The following GLI1 variants were observed in gnomAD, a reference collection of about 807,000 sequenced individuals.
The protein encoded by GLI1 is transcription activator GLI1.
Under a neutral mutation model 87.8 loss-of-function variants are expected in GLI1, and 51 were observed. That is an observed-to-expected ratio of 0.58 (90% CI 0.46 to 0.73). The LOEUF (loss-of-function observed/expected upper bound fraction) is 0.73. GLI1 is among the 30% of genes least tolerant of loss of function. The probability of loss-of-function intolerance (pLI) is 0.00; values close to 1 mark genes in which losing one functional copy is unlikely to be tolerated. For synonymous variants in GLI1, 528 were observed against 558.2 expected (o/e 0.95, Z 0.76); for missense variants, 1,292 against 1,437.2 (o/e 0.90, Z 1.63).
chr12:57,466,899 G>A (rs989118338), intron 8 of GLI1, among the ~76,000 whole-genome samples: 14 of 151,898 alleles, frequency 9.2e-5, no homozygotes, highest in East Asian at 5.8e-4. Context: ...GCAAAACTCC[G>A]CCTCAAAAAA....
chr12:57,465,177 G>A lies in GLI1; in HGVS notation c.456G>A (p.Gln152=). The change falls in exon 5 of 12, where the codon CAG becomes CAA. Residue 152 remains glutamine (Q), a synonymous_variant. Transcript: ENST00000228682. The stretch of plus-strand genomic sequence containing the variant: ...GGCCCTCGCCTTCCTTTGGGGTCCA[G>A]CCTTGTGGTCCCCATGACTCTGCCC... The part of the protein sequence containing the change: ...QKGPSPSFGV[Q]PCGPHDSARG... The A allele has an allele frequency of 2.5e-6, 4 of 1,613,560 alleles. No homozygotes were observed. Among genetic ancestry groups the A allele is most frequent in the Non-Finnish European group, 2.5e-6 (3 of 1,179,466 alleles).
In GLI1 at chr12:57,466,231, C is replaced by A. The variant is rs889675040; in HGVS notation, c.763-9C>A. ...GAGCCTTGGAGAGCCTTTGTATCTT[C>A]TCCCTCAGCACATCAACAGCGAGCA... is the stretch of plus-strand genomic sequence containing the variant. On this transcript the variant is annotated splice_polypyrimidine_tract_variant and intron_variant, in intron 7 of 11. Transcript: ENST00000228682. 4 of 1,609,940 alleles carry A rather than the reference C, an allele frequency of 2.5e-6. No homozygotes were observed. The highest frequency in any genetic ancestry group is 3.3e-5 in the Admixed American group (2 of 59,726).
intron 10 of GLI1, among the ~76,000 whole-genome samples, chr12:57,468,558 T>G (rs1356062156): frequency 6.6e-6 from 1 of 151,974 alleles, no homozygotes; most frequent in Non-Finnish European, 1.5e-5. Flanking sequence ...AGTGGCATAA[T>G]CATAGCTCAC....
Position 57,469,412 on chromosome 12 carries a change from G to T in GLI1, c.1309-19G>T. The T allele has an allele frequency of 6.2e-7, 1 of 1,611,636 alleles. No homozygotes were observed. The highest frequency in any genetic ancestry group is 1.1e-5 in the South Asian group (1 of 91,036). On this transcript the variant is annotated intron_variant, in intron 10 of 11. Transcript: ENST00000228682. Reference sequence around the variant, plus strand: ...GCTGTGGGGAAGGGTGTTGCCCTCAGACCTCATCTTCTCCACAGAAGCCAC... The same window carrying T: ...GCTGTGGGGAAGGGTGTTGCCCTCATACCTCATCTTCTCCACAGAAGCCAC...
At chr12:57,464,956 T>A (rs1871378484) in intron 4 of GLI1, 88 bp downstream of exon 4, 2 of 1,257,894 alleles carry the variant, frequency 1.6e-6, no homozygotes, top group East Asian at 4.6e-5. Flanking sequence ...TAACCCTATT[T>A]GAATCCTTGT....
rs1594753355 is a variant in GLI1 at position 57,472,259 on chromosome 12, T to A, written c.*198T>A. The A allele has an allele frequency of 1.0e-5, 6 of 596,898 alleles. No individual in the cohort carries two copies. In the East Asian group the frequency reaches 1.7e-4, roughly 17 times the overall value. 37.0% of individuals were successfully genotyped at this position (596,898 alleles called of 1,614,324 possible). A position where few individuals can be genotyped will look rare whatever the true frequency, so the allele number is the denominator to read the frequency against. Reference sequence around the variant, plus strand: ...GTTTCCTGATAATAAAGGAACTGCATCAGAAAAAATACCATGCCACTTTAT... The same window carrying A: ...GTTTCCTGATAATAAAGGAACTGCAACAGAAAAAATACCATGCCACTTTAT... On this transcript the variant is annotated 3_prime_UTR_variant, in exon 12 of 12. Coordinates refer to ENST00000228682, the MANE Select transcript of GLI1 (RefSeq NM_005269.3).
chr12:57,469,486 C>T lies in GLI1; in HGVS notation c.1364C>T (p.Ala455Val), dbSNP rs1437303769. ...QSSCSSDHSP[A>V]GSAANTDSGV... ...TCCTGCAGCAGTGACCACTCCCCGG[C>T]AGGGAGTGCAGCCAATACAGACAGT... is the stretch of plus-strand genomic sequence containing the variant. Residue 455 changes from alanine (A) to valine (V), a missense_variant, in exon 11 of 12, where the codon GCA (alanine) becomes GTA (valine). By Grantham distance (64) the Ala-to-Val change is moderately conservative (BLOSUM62 0). This residue lies in a region of GLI1 where 897 missense variants were observed against 1,040.7 expected (regional missense o/e 0.86). Coordinates refer to ENST00000228682, the MANE Select transcript of GLI1 (RefSeq NM_005269.3). The T allele has an allele frequency of 1.9e-6, 3 of 1,613,954 alleles. No individual in the cohort carries two copies. The highest frequency in any genetic ancestry group is 1.3e-5 in the African/African-American group (1 of 74,934).
chr12:57,468,443 CTTCCTTCT>C (rs1002915761), intron 10 of GLI1, among the ~76,000 whole-genome samples: 17 of 151,424 alleles, frequency 1.1e-4, no homozygotes, highest in Non-Finnish European at 1.8e-4. Flanking sequence ...TCTCTCCTTC[CTTCCTTCT>C]TTCCTTCTTT....
rs538381147 is a variant in GLI1, at chr12:57,471,723, T to C, written c.2983T>C (p.Leu995=). The change falls in exon 12 of 12, where the codon TTG becomes CTG. Residue 995 remains leucine, a synonymous_variant. Coordinates refer to ENST00000228682, the MANE Select transcript of GLI1 (RefSeq NM_005269.3). The surrounding 1 kb of genome is among the most constrained non-coding windows in gnomAD (Gnocchi z 4.9). ...AAAPPRLLPP[L]PTCYGPLKVG... ...AGCACCACCTCGACTTCTGCCCCCATTGCCCACTTGCTATGGGCCTCTCAA... is the reference window on the plus strand; with the variant it reads ...AGCACCACCTCGACTTCTGCCCCCACTGCCCACTTGCTATGGGCCTCTCAA... 7 of 1,578,836 alleles carry C rather than the reference T, an allele frequency of 4.4e-6. No individual in the cohort carries two copies. The African/African-American group carries it at 9.4e-5, about 21-fold the overall frequency.
rs374770255 is a variant in GLI1 at position 57,470,714 on chromosome 12, G to T, written c.1974G>T (p.Lys658Asn). The change falls in exon 12 of 12, where the codon AAG becomes AAT. Residue 658 changes from lysine (K) to asparagine (N), a missense_variant. This residue lies in a region of GLI1 where 897 missense variants were observed against 1,040.7 expected (regional missense o/e 0.86). Coordinates refer to ENST00000228682, the MANE Select transcript of GLI1 (RefSeq NM_005269.3). ...CTCCAGCTAGAGTCCAGAGGTTCAAGAGCCTGGGCTGTGTCCATACCCCAC... is the reference window on the plus strand; with the variant it reads ...CTCCAGCTAGAGTCCAGAGGTTCAATAGCCTGGGCTGTGTCCATACCCCAC... ...RPAPARVQRF[K>N]SLGCVHTPPT... is the part of the protein sequence containing the mutation. 6.2e-7 allele frequency: 1 copy of T among 1,612,606 alleles called. No individual in the cohort carries two copies. The highest frequency in any genetic ancestry group is 1.7e-5 in the Admixed American group (1 of 59,926).
chr12:57,463,608 C>T (rs2139849598), intron 1 of GLI1, 57 bp from the exon 2 acceptor site: 1 of 839,082 alleles, frequency 1.2e-6, no homozygotes, highest in Non-Finnish European at 2.1e-6. Context: ...GTGCCTGAGA[C>T]TGCTGTCTGA....
chr12:57,468,030 C>G lies in GLI1; in HGVS notation c.1114C>G (p.Arg372Gly), dbSNP rs142822754. Residue 372 changes from arginine (R) to glycine (G), a missense_variant, in exon 10 of 12, where the codon CGC becomes GGC. By Grantham distance (125) the Arg-to-Gly change is moderately radical. This residue lies in a region of GLI1 where 897 missense variants were observed against 1,040.7 expected (regional missense o/e 0.86). Transcript: ENST00000228682. ...YVCKLPGCTK[R>G]YTDPSSLRKH... ...ATGTAAGCTCCCTGGCTGCACCAAA[C>G]GCTATACAGATCCTAGCTCGCTGCG... 1 of 1,614,182 alleles carries G rather than the reference C, an allele frequency of 6.2e-7. No individual in the cohort carries two copies. Among genetic ancestry groups the G allele is most frequent in the Non-Finnish European group, 8.5e-7 (1 of 1,180,000 alleles).
chr12:57,468,265 C>T lies in GLI1; in HGVS notation c.1308+41C>T, dbSNP rs371396013. 14 of 1,338,338 alleles carry T rather than the reference C, an allele frequency of 1.0e-5. No homozygotes were observed. The African/African-American group carries it at 1.9e-4, about 18-fold the overall frequency. 82.9% of individuals were successfully genotyped at this position (1,338,338 alleles called of 1,614,324 possible). A position where few individuals can be genotyped will look rare whatever the true frequency, so the allele number is the denominator to read the frequency against. ...CAACCCTCACCTCCATACCCCAGCC[C>T]ACCCTGTGGACATCTTTCTAGTTAC... On this transcript the variant is annotated intron_variant, in intron 10 of 11. Coordinates refer to ENST00000228682, the MANE Select transcript of GLI1 (RefSeq NM_005269.3).
rs1566559160 is a variant in GLI1, at chr12:57,465,195, C to T, written c.474C>T (p.Asp158=). The part of the protein sequence containing the change: ...SFGVQPCGPH[D]SARGGMIPHP... ...GGGTCCAGCCTTGTGGTCCCCATGA[C>T]TCTGCCCGGGGTGGGATGATCCCAC... The change falls in exon 5 of 12, where the codon GAC becomes GAT. Residue 158 remains aspartate, a synonymous_variant. Transcript: ENST00000228682. 4 of 1,613,836 alleles carry T rather than the reference C, an allele frequency of 2.5e-6. No homozygotes were observed. In the African/African-American group the frequency reaches 5.3e-5, roughly 22 times the overall value.
intron 8 of GLI1, among the ~76,000 whole-genome samples, chr12:57,466,930 C>T (rs1381797454): frequency 6.6e-6 from 1 of 152,034 alleles, no homozygotes; most frequent in Non-Finnish European, 1.5e-5. Context: ...TTAAAAAAGA[C>T]ATTAAAACAT....
At chr12:57,468,546 G>A (rs1871653611) in intron 10 of GLI1, among the ~76,000 whole-genome samples, 1 of 151,786 alleles carries the variant, frequency 6.6e-6, no homozygotes, top group African/African-American at 2.4e-5. Context: ...AGGCTGGAGT[G>A]TAGTGGCATA....
At chr12:57,462,437 C>G (rs558349600) in intron 1 of GLI1, among the ~76,000 whole-genome samples, 12 of 152,222 alleles carry the variant, frequency 7.9e-5, no homozygotes, top group South Asian at 2.1e-4. Flanking sequence ...GGCCCGCTCC[C>G]GGTGGTTCTC....
Position 57,471,077 on chromosome 12 carries a change from A to G in GLI1, c.2337A>G (p.Thr779=). 2.5e-6 allele frequency: 4 copies of G among 1,612,906 alleles called. No individual in the cohort carries two copies. Among genetic ancestry groups the G allele is most frequent in the East Asian group, 2.2e-5 (1 of 44,856 alleles). ...QASYPDPTQE[T]WGEFPSHSGL... ...CATATCCTGACCCCACCCAAGAAAC[A>G]TGGGGTGAGTTCCCTTCCCACTCTG... is the stretch of plus-strand genomic sequence containing the variant. Residue 779 remains threonine, a synonymous_variant, in exon 12 of 12, where the codon ACA becomes ACG. Coordinates refer to ENST00000228682, the MANE Select transcript of GLI1 (RefSeq NM_005269.3). This position sits in a 1 kb window ranked among gnomAD's most constrained non-coding sequence, Gnocchi z 4.9.
At chr12:57,463,638 C>T (rs1871289820) in intron 1 of GLI1, 27 bp from the exon 2 acceptor site, 4 of 1,086,710 alleles carry the variant, frequency 3.7e-6, no homozygotes, top group South Asian at 2.5e-5. Context: ...TTTCCTCCAC[C>T]TTTATACCTA....
Sources: gnomAD v4.1 joint callset for allele counts (sites outside exome capture counted in the v4.1 genomes callset) on GRCh38, gnomAD v4.1.1 for gene constraint, gnomAD v4.1.1 regional missense constraint, Gnocchi (gnomAD v3.1) non-coding constraint, MANE v1.5 for transcripts, NCBI Gene and HGNC (gene_info 2026-07-23, HGNC 2026-07-21) for gene names.